Variants in THSD7B observed in about 807,000 individuals in gnomAD.
THSD7B encodes thrombospondin type 1 domain containing 7B.
THSD7B carries 138 observed loss-of-function variants against 213.6 expected under a neutral mutation model. That is an observed-to-expected ratio of 0.65 (90% CI 0.56 to 0.74). The LOEUF (loss-of-function observed/expected upper bound fraction) is 0.74, where lower values mean the gene tolerates loss of function less well. Ranked by LOEUF, THSD7B falls within the 30% of genes least tolerant of loss-of-function variation. The probability of loss-of-function intolerance (pLI) is 0.00; values close to 1 mark genes in which losing one functional copy is unlikely to be tolerated. For missense variants in THSD7B, 1,931 were observed against 1,991.5 expected (o/e 0.97, Z 0.58); for synonymous variants, 742 against 687.0 (o/e 1.08, Z -1.25).
chr2:137,434,966 G>A (rs1050417409), intron 14 of THSD7B, among the ~76,000 whole-genome samples: 6 of 151,962 alleles, frequency 3.9e-5, no homozygotes, highest in African/African-American at 1.2e-4. Flanking sequence ...AAAAACTTAC[G>A]GTAGTCTTCA....
chr2:136,993,651 G>A (rs75587146), intron 2 of THSD7B, among the ~76,000 whole-genome samples: 8,045 of 152,272 alleles, frequency 0.053, 293 homozygotes, highest in East Asian at 0.12. Flanking sequence ...ATACACATTT[G>A]AAATACTCTG....
intron 15 of THSD7B, among the ~76,000 whole-genome samples, chr2:137,531,804 G>T (rs545924611): frequency 6.6e-6 from 1 of 151,910 alleles, no homozygotes; most frequent in Non-Finnish European, 1.5e-5. Flanking sequence ...AGTATCTAAT[G>T]CTTAATTAAG....
chr2:137,028,582 G>A (rs980589667), intron 2 of THSD7B, among the ~76,000 whole-genome samples: 6 of 152,164 alleles, frequency 3.9e-5, no homozygotes, highest in African/African-American at 9.7e-5. Context: ...GTTACTGTGC[G>A]AGGCACTGGG....
At chr2:136,824,477 A>T (rs1160111104) in intron 1 of THSD7B, among the ~76,000 whole-genome samples, 2 of 152,112 alleles carry the variant, frequency 1.3e-5, no homozygotes, top group Non-Finnish European at 2.9e-5. Context: ...TTATCTTTTT[A>T]AAGGGCTGTT....
chr2:136,881,840 A>G (rs1480329656), intron 1 of THSD7B, among the ~76,000 whole-genome samples: 3 of 152,166 alleles, frequency 2.0e-5, no homozygotes, highest in Admixed American at 1.3e-4. Context: ...TTATCACGTT[A>G]CATTGATCTT....
chr2:137,464,624 C>A (rs968373173), intron 15 of THSD7B, among the ~76,000 whole-genome samples: 3 of 152,182 alleles, frequency 2.0e-5, no homozygotes, highest in African/African-American at 7.2e-5. Flanking sequence ...GTCTTCTGTT[C>A]TGGAAGAAAC....
intron 24 of THSD7B, among the ~76,000 whole-genome samples, chr2:137,659,189 T>C (rs566039608): frequency 3.3e-5 from 5 of 152,158 alleles, no homozygotes; most frequent in African/African-American, 4.8e-5. Context: ...ACCAACATAT[T>C]TGATACCATG....
intron 15 of THSD7B, among the ~76,000 whole-genome samples, chr2:137,492,574 T>C (rs1679443885): frequency 6.6e-6 from 1 of 152,150 alleles, no homozygotes. Context: ...AGGAGGTAGA[T>C]AGGTTTAATG....
At chr2:137,624,368 A>G (rs1378894622) in intron 20 of THSD7B, among the ~76,000 whole-genome samples, 2 of 152,252 alleles carry the variant, frequency 1.3e-5, no homozygotes, top group East Asian at 3.8e-4. Flanking sequence ...CTAAAACCAT[A>G]AAAACCCTAG....
intron 2 of THSD7B, among the ~76,000 whole-genome samples, chr2:136,971,444 A>G (rs1344712): frequency 0.072 from 11,021 of 152,186 alleles, 638 homozygotes; most frequent in African/African-American, 0.15. Flanking sequence ...GAAATGTTGC[A>G]TTGAAAGTTC....
At position 136,969,063 on chromosome 2, in the gene THSD7B, T is replaced by C. The variant is rs932946831; in HGVS notation, c.139+86746T>C. Reference sequence around the variant, plus strand: ...ACATTTGCAAGTTTTTACTCACCTCTTGAGTTCATAAAAAGATGTCAGCTA... The same window carrying C: ...ACATTTGCAAGTTTTTACTCACCTCCTGAGTTCATAAAAAGATGTCAGCTA... On this transcript the variant is annotated intron_variant, in intron 2 of 27. Transcript: ENST00000409968. 2.0e-5 allele frequency among the ~76,000 whole-genome samples: 3 copies of C among 152,200 alleles called. No individual in the cohort carries two copies. The East Asian group carries it at 5.8e-4, about 29-fold the overall frequency.
chr2:137,607,782 A>G (rs2104829776), intron 17 of THSD7B, among the ~76,000 whole-genome samples: 1 of 152,328 alleles, frequency 6.6e-6, no homozygotes, highest in South Asian at 2.1e-4. Context: ...TATGCCATAC[A>G]TCATTTATCT....
At chr2:137,382,542 C>G (rs995445716) in intron 12 of THSD7B, among the ~76,000 whole-genome samples, 2 of 152,218 alleles carry the variant, frequency 1.3e-5, no homozygotes, top group African/African-American at 4.8e-5. Flanking sequence ...AGAGAAACAG[C>G]TAGCAGCTAT....
chr2:136,804,522 T>A (rs567763828), intron 1 of THSD7B, among the ~76,000 whole-genome samples: 25 of 152,248 alleles, frequency 1.6e-4, no homozygotes, highest in Middle Eastern at 3.4e-3. Flanking sequence ...CTTTATTAAA[T>A]TTAAGGCCAT....
At chr2:137,230,927 G>A in intron 7 of THSD7B, 117 bp from the exon 8 acceptor site, 1 of 1,013,466 alleles carries the variant, frequency 9.9e-7, no homozygotes, top group Non-Finnish European at 1.4e-6. Flanking sequence ...TGTAAATATT[G>A]TGAATGGCTG....
At chr2:136,902,942 C>T (rs1460003046) in intron 2 of THSD7B, among the ~76,000 whole-genome samples, 2 of 152,134 alleles carry the variant, frequency 1.3e-5, no homozygotes, top group African/African-American at 4.8e-5. Flanking sequence ...CAAGCTGGTC[C>T]AGCATAGAGG....
intron 12 of THSD7B, among the ~76,000 whole-genome samples, chr2:137,282,582 T>C (rs1683054011): frequency 6.6e-6 from 1 of 152,200 alleles, no homozygotes; most frequent in African/African-American, 2.4e-5. Flanking sequence ...AATTTTTGTA[T>C]AAGGTGTAAG....
intron 14 of THSD7B, among the ~76,000 whole-genome samples, chr2:137,432,540 GTT>G (rs896277172): frequency 2.6e-5 from 4 of 152,154 alleles, no homozygotes; most frequent in African/African-American, 9.7e-5. Context: ...TCATATGACT[GTT>G]TCTAGCCCCT....
At chr2:137,503,395 G>T (rs971393251) in intron 15 of THSD7B, among the ~76,000 whole-genome samples, 8 of 152,048 alleles carry the variant, frequency 5.3e-5, no homozygotes, top group African/African-American at 1.9e-4. Flanking sequence ...CAAAATCACA[G>T]CTATTCCCCA....
Sources: gnomAD v4.1 joint callset for allele counts (sites outside exome capture counted in the v4.1 genomes callset) on GRCh38, gnomAD v4.1.1 for gene constraint, MANE v1.5 for transcripts, NCBI Gene and HGNC (gene_info 2026-07-23, HGNC 2026-07-21) for gene names.